The following VCPIP1 variants were observed in gnomAD, a reference collection of about 807,000 sequenced individuals.
VCPIP1 encodes the protein valosin containing protein interacting protein 1.
A neutral mutation model predicts 85.0 loss-of-function variants in VCPIP1; 8 were observed. The observed-to-expected ratio is 0.09, with a 90% CI of 0.06 to 0.17. The LOEUF (loss-of-function observed/expected upper bound fraction) is 0.17, where lower values mean the gene tolerates loss of function less well. Ranked by LOEUF, VCPIP1 falls within the 10% of genes least tolerant of loss-of-function variation. The pLI, the probability that VCPIP1 is intolerant of heterozygous loss-of-function variation, is 1.00. For synonymous variants in VCPIP1, 543 were observed against 544.5 expected, an observed-to-expected ratio of 1.00 and a Z score of 0.04; for missense variants, 1,070 against 1,486.3, an observed-to-expected ratio of 0.72 and a Z score of 4.61.
chr8:66,638,586 T>C (rs958745470), intron 2 of VCPIP1, among the ~76,000 whole-genome samples: 5 of 151,436 alleles, frequency 3.3e-5, no homozygotes, highest in South Asian at 2.1e-4. Context: ...AAGACCATCC[T>C]GGCTAACACG....
chr8:66,665,455 G>A lies in VCPIP1; in HGVS notation c.1504C>T (p.Leu502=), dbSNP rs529998899. The A allele has an allele frequency of 2.0e-5, 33 of 1,614,216 alleles. No individual in the cohort carries two copies. Among genetic ancestry groups the A allele is most frequent in the Non-Finnish European group, 2.7e-5 (32 of 1,180,042 alleles). The change falls in exon 1 of 3, where the codon CTG becomes TTG. Residue 502 remains leucine (L), a synonymous_variant. Coordinates refer to ENST00000310421, the MANE Select transcript of VCPIP1 (RefSeq NM_025054.5). This position sits in a 1 kb window ranked among gnomAD's most constrained non-coding sequence, Gnocchi z 4.3. ...YNLAKSTHGQ[L]RTDKNYSFPL... ...AAGCTGTAATTTTTGTCAGTCCTCAGCTGTCCATGAGTACTTTTTGCCAGG... is the reference window on the plus strand; with the variant it reads ...AAGCTGTAATTTTTGTCAGTCCTCAACTGTCCATGAGTACTTTTTGCCAGG...
intron 2 of VCPIP1, among the ~76,000 whole-genome samples, chr8:66,638,968 C>A (rs149648886): frequency 0.28 from 34,401 of 124,992 alleles, 4,885 homozygotes; most frequent in African/African-American, 0.33. Context: ...CTCTCTCTCT[C>A]TCTATATATA....
intron 2 of VCPIP1, among the ~76,000 whole-genome samples, chr8:66,636,467 C>T (rs750263309): frequency 2.0e-5 from 3 of 151,584 alleles, no homozygotes; most frequent in South Asian, 2.1e-4. Context: ...TAAATAGGCC[C>T]GGCACAGTGG....
Position 66,666,695 on chromosome 8 carries a change from C to A in VCPIP1, c.264G>T (p.Val88=), listed in dbSNP as rs765704055. Residue 88 remains valine (V), a synonymous_variant, in exon 1 of 3, where the codon GTG becomes GTT. Coordinates refer to ENST00000310421, the MANE Select transcript of VCPIP1 (RefSeq NM_025054.5). The surrounding 1 kb of genome is among the most constrained non-coding windows in gnomAD (Gnocchi z 6.3). ...EQQQLLGVEE[V]TDPDVVLHNL... Reference sequence around the variant, plus strand: ...TGTGTAGCACTACGTCCGGGTCGGTCACCTCCTCAACCCCCAGCAGCTGTT... The same window carrying A: ...TGTGTAGCACTACGTCCGGGTCGGTAACCTCCTCAACCCCCAGCAGCTGTT... The A allele has an allele frequency of 2.5e-6, 4 of 1,614,064 alleles. No individual in the cohort carries two copies. In the African/African-American group the frequency reaches 5.3e-5, roughly 22 times the overall value.
At position 66,632,259 on chromosome 8, in the gene VCPIP1, A is replaced by G. The variant is rs2130139027; in HGVS notation, c.*2242T>C. 1 of 152,214 alleles carries G rather than the reference A, an allele frequency of 6.6e-6. No homozygotes were observed. The highest frequency in any genetic ancestry group is 2.1e-4 in the South Asian group (1 of 4,832). The allele number at this position is 152,214 out of a possible 1,614,324, so 9.4% of individuals were successfully genotyped here. A position where few individuals can be genotyped will look rare whatever the true frequency, so the allele number is the denominator to read the frequency against. On this transcript the variant is annotated 3_prime_UTR_variant, in exon 3 of 3. Coordinates refer to ENST00000310421, the MANE Select transcript of VCPIP1 (RefSeq NM_025054.5). ...CCTATTCTAAAACTTCTTTGTGAGG[A>G]TACCTGGCCTACTTCTCAAAAACCA... is the stretch of plus-strand genomic sequence containing the variant.
intron 1 of VCPIP1, among the ~76,000 whole-genome samples, chr8:66,661,532 G>A (rs115958647): frequency 0.02 from 3,030 of 152,044 alleles, 95 homozygotes; most frequent in African/African-American, 0.068. Context: ...TCAGAAGATT[G>A]AGACCATCCC....
chr8:66,664,585 T>G lies in VCPIP1; in HGVS notation c.2374A>C (p.Lys792Gln), dbSNP rs1386689404. The G allele has an allele frequency of 6.2e-7, 1 of 1,614,220 alleles. No individual in the cohort carries two copies. The highest frequency in any genetic ancestry group is 1.3e-5 in the African/African-American group (1 of 75,054). Residue 792 changes from lysine (K) to glutamine (Q), a missense_variant, in exon 1 of 3, where the codon AAG (lysine) becomes CAG (glutamine). This residue lies in a region of VCPIP1 where 278 missense variants were observed against 298.5 expected (regional missense o/e 0.93). Coordinates refer to ENST00000310421, the MANE Select transcript of VCPIP1 (RefSeq NM_025054.5). ...AGTTCAAAAAAGGTTGTTGAAGACT[T>G]AAGGGTAACCATGGACTGTCGTCCA... ...NDGRQSMVTL[K>Q]SSTTFFELQE...
chr8:66,652,375 A>G (rs1303977674), intron 1 of VCPIP1, among the ~76,000 whole-genome samples: 1 of 152,200 alleles, frequency 6.6e-6, no homozygotes, highest in East Asian at 1.9e-4. Flanking sequence ...GCACTTTGGG[A>G]GGCCCAGGCA....
In VCPIP1 at chr8:66,635,165, C is replaced by G; in HGVS notation, c.3005G>C (p.Gly1002Ala). ...TCCACCACTACCTAGTTTTAATAGC[C>G]CATGTGAGGGACTTGATTCCCTACT... ...TRSRESSPSH[G>A]LLKLGSGGVV... Residue 1002 changes from glycine (G) to alanine (A), a missense_variant, in exon 3 of 3, where the codon GGG becomes GCG. Physicochemically the swap from Gly to Ala is moderately conservative, Grantham distance 60. Transcript: ENST00000310421. 6.2e-7 allele frequency: 1 copy of G among 1,614,088 alleles called. No individual in the cohort carries two copies. Among genetic ancestry groups the G allele is most frequent in the Non-Finnish European group, 8.5e-7 (1 of 1,180,026 alleles).
At chr8:66,637,113 G>C (rs1197158772) in intron 2 of VCPIP1, among the ~76,000 whole-genome samples, 2 of 151,782 alleles carry the variant, frequency 1.3e-5, no homozygotes, top group East Asian at 3.9e-4. Flanking sequence ...AGGATCGCTT[G>C]GAGTTTGTTT....
In VCPIP1 at chr8:66,666,196, C is replaced by G; in HGVS notation, c.763G>C (p.Ala255Pro). Residue 255 changes from alanine (A) to proline (P), a missense_variant, in exon 1 of 3, where the codon GCT (alanine) becomes CCT (proline). Coordinates refer to ENST00000310421, the MANE Select transcript of VCPIP1 (RefSeq NM_025054.5). The surrounding 1 kb of genome is among the most constrained non-coding windows in gnomAD (Gnocchi z 6.3). ...GCATCAATGAAGTCATGGAACAGAG[C>G]TTGATATCGGGCCAGGTGCTGCTGA... Reference protein sequence around the residue: ...HFQQHLARYQALFHDFIDAAE... With the variant: ...HFQQHLARYQPLFHDFIDAAE... 6.2e-7 allele frequency: 1 copy of G among 1,614,004 alleles called. No individual in the cohort carries two copies. Among genetic ancestry groups the G allele is most frequent in the Non-Finnish European group, 8.5e-7 (1 of 1,179,938 alleles).
rs541077424 is a variant in VCPIP1 at position 66,659,275 on chromosome 8, C to A, written c.2710+4974G>T. 1.1e-4 allele frequency among the ~76,000 whole-genome samples: 16 copies of A among 151,112 alleles called. No homozygotes were observed. In the East Asian group the frequency reaches 2.1e-3, roughly 20 times the overall value. On this transcript the variant is annotated intron_variant, in intron 1 of 2. Transcript: ENST00000310421. ...GCAGTGGCGCAATCTTGGCTCACTG[C>A]AACCGCACCAGGTCTACAAGAAATC...
At position 66,666,985 on chromosome 8, in the gene VCPIP1, G is replaced by A. The variant is rs778025116; in HGVS notation, c.-27C>T. The A allele has an allele frequency of 4.0e-6, 6 of 1,494,200 alleles. No homozygotes were observed. The South Asian group carries it at 6.8e-5, about 17-fold the overall frequency. 92.6% of individuals were successfully genotyped at this position (1,494,200 alleles called of 1,614,324 possible). ...GCTCCTGGCTCTCGTGTCTCGCTCC[G>A]CGTCCCAGGCGACCCTCAAAAGCTC... On this transcript the variant is annotated 5_prime_UTR_variant, in exon 1 of 3. Coordinates refer to ENST00000310421, the MANE Select transcript of VCPIP1 (RefSeq NM_025054.5). The surrounding 1 kb of genome is among the most constrained non-coding windows in gnomAD (Gnocchi z 6.3).
chr8:66,651,825 A>AGTT (rs758991709), intron 1 of VCPIP1, among the ~76,000 whole-genome samples: 57 of 152,250 alleles, frequency 3.7e-4, no homozygotes, highest in Non-Finnish European at 6.9e-4. Context: ...CCAAAATTCA[A>AGTT]GTTTTTAATA....
rs1013843451 is a variant in VCPIP1 at position 66,634,241 on chromosome 8, T to G, written c.*260A>C. The G allele has an allele frequency of 3.1e-6, 1 of 318,774 alleles. No individual in the cohort carries two copies. The highest frequency in any genetic ancestry group is 2.1e-5 in the African/African-American group (1 of 46,822). The allele number at this position is 318,774 out of a possible 1,614,324, so 19.7% of individuals were successfully genotyped here. On this transcript the variant is annotated 3_prime_UTR_variant, in exon 3 of 3. Coordinates refer to ENST00000310421, the MANE Select transcript of VCPIP1 (RefSeq NM_025054.5). ...TCATGGAATTAAAATTACAAAGAAC[T>G]TCCAATGAACCACATATATGGAAGA...
At chr8:66,637,501 A>G (rs1810900337) in intron 2 of VCPIP1, among the ~76,000 whole-genome samples, 1 of 143,868 alleles carries the variant, frequency 7.0e-6, no homozygotes, top group Non-Finnish European at 1.5e-5. Context: ...AAAAAAAAAA[A>G]AGATATACTT....
intron 2 of VCPIP1, among the ~76,000 whole-genome samples, chr8:66,646,762 A>G (rs1437108522): frequency 6.6e-6 from 1 of 151,474 alleles, no homozygotes; most frequent in Non-Finnish European, 1.5e-5. Flanking sequence ...CGTGCACTCC[A>G]TCCAACCTGG....
chr8:66,641,210 G>A (rs149764115), intron 2 of VCPIP1, among the ~76,000 whole-genome samples: 7 of 152,202 alleles, frequency 4.6e-5, no homozygotes, highest in African/African-American at 1.7e-4. Flanking sequence ...GCCCCTCGGG[G>A]GTCAAGGGAA....
In VCPIP1 at chr8:66,666,257, G is replaced by A. The variant is rs200861531; in HGVS notation, c.702C>T (p.Phe234=). The A allele has an allele frequency of 4.0e-5, 64 of 1,614,032 alleles. No homozygotes were observed. The highest frequency in any genetic ancestry group is 8.9e-5 in the East Asian group (4 of 44,876). Residue 234 remains phenylalanine, a synonymous_variant, in exon 1 of 3, where the codon TTC becomes TTT. Transcript: ENST00000310421. This position sits in a 1 kb window ranked among gnomAD's most constrained non-coding sequence, Gnocchi z 6.3. ...TAAGATTCTCTCTTAAGGCATGCCA[G>A]AAGAGCTCTCGGCCTACTAGAGCCC... The part of the protein sequence containing the change: ...VSRALVGREL[F]WHALRENLKQ...
Sources: gnomAD v4.1 joint callset for allele counts (sites outside exome capture counted in the v4.1 genomes callset) on GRCh38, gnomAD v4.1.1 for gene constraint, gnomAD v4.1.1 regional missense constraint, Gnocchi (gnomAD v3.1) non-coding constraint, MANE v1.5 for transcripts, NCBI Gene and HGNC (gene_info 2026-07-23, HGNC 2026-07-21) for gene names.